Variants in LINGO2 observed in about 807,000 individuals in gnomAD.
The protein encoded by LINGO2 is leucine rich repeat and Ig domain containing 2.
In LINGO2, 14 loss-of-function variants were observed where a neutral mutation model predicts 30.6. The ratio of observed to expected loss-of-function variants is 0.46; its 90% CI spans 0.30 to 0.72. The LOEUF is 0.72. Among genes scored for constraint, LINGO2 ranks in the 30% least tolerant of loss-of-function variants. LINGO2 has a pLI of 0.07. For synonymous variants in LINGO2, 317 were observed against 288.5 expected, an observed-to-expected ratio of 1.10 and a Z score of -1.00; for missense variants, 729 against 751.7, an observed-to-expected ratio of 0.97 and a Z score of 0.35.
the LINGO2 span, among the ~76,000 whole-genome samples, chr9:28,876,919 C>T: frequency 1.3e-5 from 2 of 152,072 alleles, no homozygotes; most frequent in East Asian, 3.9e-4. Flanking sequence ...CCTGTTGTTT[C>T]CTGACTTTTT....
chr9:28,136,277 C>T (rs529453846), intron 4 of LINGO2, among the ~76,000 whole-genome samples: 9 of 152,264 alleles, frequency 5.9e-5, no homozygotes, highest in South Asian at 4.1e-4. Flanking sequence ...GCCCAGAGGG[C>T]GATATTGCAT....
At chr9:29,125,992 TAAATGGTAAAAACC>T in the LINGO2 span, among the ~76,000 whole-genome samples, 1 of 152,134 alleles carries the variant, frequency 6.6e-6, no homozygotes. Flanking sequence ...ATTTCTTATT[TAAATGGTAAAAACC>T]AAATATAACA....
intron 3 of LINGO2, among the ~76,000 whole-genome samples, chr9:28,344,867 T>C (rs568798350): frequency 1.3e-5 from 2 of 152,226 alleles, no homozygotes; most frequent in African/African-American, 4.8e-5. Context: ...ACCTCCCTAG[T>C]TCCCCAACTG....
chr9:29,059,091 G>A, the LINGO2 span, among the ~76,000 whole-genome samples: 1 of 151,740 alleles, frequency 6.6e-6, no homozygotes, highest in South Asian at 2.1e-4. Context: ...AAACATATGA[G>A]AGATTTATAT....
chr9:29,154,439 G>T, the LINGO2 span, among the ~76,000 whole-genome samples: 3 of 125,030 alleles, frequency 2.4e-5, no homozygotes, highest in East Asian at 7.0e-4. Context: ...GACAGAGTGC[G>T]ACTCCGTCTC....
intron 1 of LINGO2, among the ~76,000 whole-genome samples, chr9:28,479,930 T>G (rs1324567392): frequency 2.4e-4 from 28 of 115,534 alleles, no homozygotes; most frequent in Middle Eastern, 4.0e-3. Flanking sequence ...TATATATATA[T>G]ATATATATAT....
chr9:29,147,437 G>A, the LINGO2 span, among the ~76,000 whole-genome samples: 3 of 152,034 alleles, frequency 2.0e-5, no homozygotes, highest in Non-Finnish European at 4.4e-5. Context: ...TTTAGGAAAA[G>A]CATTCTCCTT....
At chr9:28,328,578 G>A (rs1026430324) in intron 3 of LINGO2, among the ~76,000 whole-genome samples, 7 of 150,392 alleles carry the variant, frequency 4.7e-5, no homozygotes, top group South Asian at 2.1e-4. Flanking sequence ...GCAGAATGAC[G>A]GAAATAATTT....
At chr9:28,247,617 G>A (rs72709330) in intron 4 of LINGO2, among the ~76,000 whole-genome samples, 1 of 152,048 alleles carries the variant, frequency 6.6e-6, no homozygotes, top group African/African-American at 2.4e-5. Flanking sequence ...CAAAGTGGGG[G>A]AGAGCATCAA....
At chr9:28,984,306 A>G in the LINGO2 span, among the ~76,000 whole-genome samples, 5 of 152,118 alleles carry the variant, frequency 3.3e-5, no homozygotes, top group Admixed American at 1.3e-4. Flanking sequence ...TTGTGAACAT[A>G]AAAGACTTCC....
the LINGO2 span, among the ~76,000 whole-genome samples, chr9:28,678,958 G>A: frequency 6.6e-6 from 1 of 152,008 alleles, no homozygotes; most frequent in African/African-American, 2.4e-5. Flanking sequence ...AAATATTACA[G>A]ATCAGCGATT....
At chr9:28,898,444 A>G in the LINGO2 span, among the ~76,000 whole-genome samples, 1 of 152,198 alleles carries the variant, frequency 6.6e-6, no homozygotes, top group Admixed American at 6.5e-5. Context: ...TCAAGAATGA[A>G]GAAACCCACA....
intron 4 of LINGO2, among the ~76,000 whole-genome samples, chr9:28,201,311 G>A (rs2133821625): frequency 7.1e-6 from 1 of 141,662 alleles, no homozygotes; most frequent in African/African-American, 2.6e-5. Flanking sequence ...TCCCACCTAT[G>A]AGTGAGAATA....
At chr9:29,026,189 T>C in the LINGO2 span, among the ~76,000 whole-genome samples, 2 of 151,948 alleles carry the variant, frequency 1.3e-5, no homozygotes, top group East Asian at 3.9e-4. Flanking sequence ...CACACCACCA[T>C]GTCCAGCTAA....
chr9:29,189,740 G>A, the LINGO2 span, among the ~76,000 whole-genome samples: 3 of 152,156 alleles, frequency 2.0e-5, no homozygotes, highest in East Asian at 3.9e-4. Context: ...CTGAGTGAAC[G>A]AGACTCCGTC....
the LINGO2 span, chr9:27,942,277 A>G: frequency 3.3e-5 from 5 of 152,144 alleles, no homozygotes; most frequent in East Asian, 1.9e-4. Flanking sequence ...GGGGATTACT[A>G]ATTAATACAG....
At chr9:28,520,018 T>C (rs1820771501) in intron 1 of LINGO2, among the ~76,000 whole-genome samples, 2 of 152,224 alleles carry the variant, frequency 1.3e-5, no homozygotes, top group East Asian at 3.8e-4. Flanking sequence ...ATTTTGATTT[T>C]GTAAACCATA....
At chr9:28,953,327 G>C in the LINGO2 span, among the ~76,000 whole-genome samples, 2 of 151,964 alleles carry the variant, frequency 1.3e-5, no homozygotes, top group South Asian at 4.1e-4. Flanking sequence ...TTAGGAATCA[G>C]GGTCTATATA....
At chr9:28,883,067 G>A in the LINGO2 span, among the ~76,000 whole-genome samples, 129,587 of 152,142 alleles carry the variant, frequency 0.85, 55,361 homozygotes, top group Non-Finnish European at 0.89. Context: ...AAAAACCAAA[G>A]CCCTTACCAC....
Sources: allele counts gnomAD v4.1 joint callset (sites outside exome capture counted in the v4.1 genomes callset), GRCh38; gene constraint gnomAD v4.1.1; transcripts MANE v1.5; gene names NCBI Gene and HGNC (gene_info 2026-07-23, HGNC 2026-07-21).